Variants in WDPCP observed in about 807,000 individuals in gnomAD.
WDPCP encodes the protein WD repeat-containing and planar cell polarity effector protein fritz homolog.
In WDPCP, 71 loss-of-function variants were observed where a neutral mutation model predicts 93.1. That is an observed-to-expected ratio of 0.76 (90% CI 0.63 to 0.93). The LOEUF is 0.93. WDPCP is among the 40% of genes least tolerant of loss of function. The pLI is 0.00. For synonymous variants in WDPCP, 315 were observed against 315.0 expected, an observed-to-expected ratio of 1.00 and a Z score of 0.00; for missense variants, 844 against 887.4, an observed-to-expected ratio of 0.95 and a Z score of 0.62.
chr2:63,160,533 C>T (rs1012617179), intron 15 of WDPCP, among the ~76,000 whole-genome samples: 183 of 152,210 alleles, frequency 1.2e-3, no homozygotes, highest in African/African-American at 4.1e-3. Flanking sequence ...ACCTCCCCTC[C>T]CCTACTACCC....
intron 13 of WDPCP, among the ~76,000 whole-genome samples, chr2:63,302,727 G>T (rs1464858645): frequency 1.3e-5 from 2 of 152,170 alleles, no homozygotes; most frequent in African/African-American, 4.8e-5. Flanking sequence ...AGACACTCTT[G>T]TGTGCTTTGT....
At chr2:63,453,377 A>G (rs1698391579) in intron 6 of WDPCP, among the ~76,000 whole-genome samples, 1 of 152,232 alleles carries the variant, frequency 6.6e-6, no homozygotes, top group African/African-American at 2.4e-5. Context: ...AGAAATGCAT[A>G]TCAAAACTAC....
intron 15 of WDPCP, among the ~76,000 whole-genome samples, chr2:63,159,011 C>T (rs1178352997): frequency 1.4e-5 from 2 of 142,952 alleles, no homozygotes; most frequent in African/African-American, 5.2e-5. Context: ...CAAAAATTAG[C>T]AGGGTGTGGC....
At position 63,284,641 on chromosome 2, in the gene WDPCP, G is replaced by A. The variant is rs565346556; in HGVS notation, c.1813-25232C>T. On this transcript the variant is annotated intron_variant, in intron 13 of 17. Transcript: ENST00000272321. Reference sequence around the variant, plus strand: ...ATAATAACTAAGATGGCTACTAAGTGACAAATGGGCAGGTAGCTGTATAAA... The same window carrying A: ...ATAATAACTAAGATGGCTACTAAGTAACAAATGGGCAGGTAGCTGTATAAA... 3.9e-5 allele frequency among the ~76,000 whole-genome samples: 6 copies of A among 152,310 alleles called. No individual in the cohort carries two copies. The South Asian group carries it at 1.2e-3, about 32-fold the overall frequency.
At chr2:63,414,310 G>A (rs899995906) in intron 9 of WDPCP, among the ~76,000 whole-genome samples, 7 of 152,004 alleles carry the variant, frequency 4.6e-5, no homozygotes, top group African/African-American at 1.2e-4. Flanking sequence ...CATTTGATCC[G>A]GCAATCCCAC....
In WDPCP at chr2:63,773,539, T is replaced by C. The variant is rs183755541; in HGVS notation, n.308+40083A>G. On this transcript the variant is annotated intron_variant and non_coding_transcript_variant, in intron 2 of 4. Transcript: ENST00000467687. ...ACATAACATGGATATAACCATTGTA[T>C]AAAAATTTATTAAGCTGAGTACTTA... Among the ~76,000 whole-genome samples the C allele has an allele frequency of 2.6e-3, 403 of 152,176 alleles. 7 individuals carry two copies. Among genetic ancestry groups the C allele is most frequent in the Admixed American group, 0.023 (346 of 15,236 alleles).
At chr2:63,427,711 T>A (rs1210228751) in intron 9 of WDPCP, among the ~76,000 whole-genome samples, 1 of 151,802 alleles carries the variant, frequency 6.6e-6, no homozygotes, top group Admixed American at 6.6e-5. Context: ...AAGGTAGCAG[T>A]AGAAAAGAAA....
chr2:63,779,897 CTTTCA>C (rs1342292697), intron 2 of WDPCP, among the ~76,000 whole-genome samples: 5 of 152,112 alleles, frequency 3.3e-5, no homozygotes, highest in Non-Finnish European at 7.4e-5. Flanking sequence ...CTAAATTATA[CTTTCA>C]TTTCTTTTTC....
At chr2:63,531,472 C>A (rs1392098404) in intron 1 of WDPCP, among the ~76,000 whole-genome samples, 2 of 152,034 alleles carry the variant, frequency 1.3e-5, no homozygotes, top group Non-Finnish European at 2.9e-5. Flanking sequence ...AGCTGGGTGC[C>A]CCTCTAAGAT....
chr2:63,166,711 T>C (rs1673018961), intron 15 of WDPCP, among the ~76,000 whole-genome samples: 1 of 152,176 alleles, frequency 6.6e-6, no homozygotes, highest in South Asian at 2.1e-4. Flanking sequence ...GATATTTTGA[T>C]ATAGGTAAAC....
At chr2:63,207,254 C>G (rs980506334) in intron 14 of WDPCP, among the ~76,000 whole-genome samples, 2 of 152,074 alleles carry the variant, frequency 1.3e-5, no homozygotes, top group Admixed American at 6.5e-5. Context: ...ACTGTGTGTC[C>G]TCACCCAAAT....
At chr2:63,244,533 C>A (rs963998102) in intron 14 of WDPCP, among the ~76,000 whole-genome samples, 3 of 152,074 alleles carry the variant, frequency 2.0e-5, no homozygotes, top group African/African-American at 7.2e-5. Context: ...ACAAACATGA[C>A]ATTACAACTG....
chr2:63,797,818 G>T (rs1052695259), intron 2 of WDPCP, among the ~76,000 whole-genome samples: 2 of 151,926 alleles, frequency 1.3e-5, no homozygotes, highest in African/African-American at 2.4e-5. Flanking sequence ...TCAATACCAA[G>T]TACAAGAGGT....
intron 1 of WDPCP, among the ~76,000 whole-genome samples, chr2:63,579,351 T>C (rs1708337479): frequency 6.6e-6 from 1 of 152,252 alleles, no homozygotes. Flanking sequence ...GGTTCATGCC[T>C]GTAATCACAG....
intron 1 of WDPCP, among the ~76,000 whole-genome samples, chr2:63,513,146 G>A (rs1234498793): frequency 6.6e-6 from 1 of 152,108 alleles, no homozygotes; most frequent in African/African-American, 2.4e-5. Context: ...CACTTCTGGG[G>A]AAGTTGGGAA....
intron 12 of WDPCP, among the ~76,000 whole-genome samples, chr2:63,367,757 G>A (rs1279888368): frequency 2.6e-5 from 4 of 152,108 alleles, no homozygotes; most frequent in Non-Finnish European, 4.4e-5. Flanking sequence ...GAACTATAGT[G>A]GCTGGGCAGT....
At chr2:63,634,177 G>A (rs1709897576) in intron 3 of WDPCP, among the ~76,000 whole-genome samples, 2 of 152,050 alleles carry the variant, frequency 1.3e-5, no homozygotes, top group Non-Finnish European at 1.5e-5. Context: ...TCAACTTTAA[G>A]AAAACACATA....
intron 1 of WDPCP, among the ~76,000 whole-genome samples, chr2:63,524,073 C>G (rs1242653832): frequency 6.6e-6 from 1 of 152,084 alleles, no homozygotes; most frequent in Non-Finnish European, 1.5e-5. Context: ...TGGAACACCT[C>G]CACAATGAGA....
At chr2:63,157,488 A>G (rs923563473) in intron 15 of WDPCP, among the ~76,000 whole-genome samples, 1 of 152,124 alleles carries the variant, frequency 6.6e-6, no homozygotes, top group African/African-American at 2.4e-5. Context: ...CAACGAATTC[A>G]CCAGTGAAAC....
Sources: gnomAD v4.1 joint callset for allele counts (sites outside exome capture counted in the v4.1 genomes callset) on GRCh38, gnomAD v4.1.1 for gene constraint, MANE v1.5 for transcripts, NCBI Gene and HGNC (gene_info 2026-07-23, HGNC 2026-07-21) for gene names.